LARGE2: variants seen among roughly 807,000 people sequenced by gnomAD.
LARGE2 encodes the protein xylosyl- and glucuronyltransferase LARGE2.
In LARGE2, 63 loss-of-function variants were observed where a neutral mutation model predicts 75.3. That is an observed-to-expected ratio of 0.84 (90% CI 0.68 to 1.03). The LOEUF is 1.03. LARGE2 is among the 50% of genes least tolerant of loss of function. The pLI is 0.00. For missense variants in LARGE2, 925 were observed against 980.6 expected (o/e 0.94, Z 0.76); for synonymous variants, 428 against 420.1 (o/e 1.02, Z -0.23).
chr11:45,928,333 C>A lies in LARGE2; in HGVS notation c.1911C>A (p.Gly637=). 1 of 1,614,178 alleles carries A rather than the reference C, an allele frequency of 6.2e-7. No individual in the cohort carries two copies. The part of the protein sequence containing the change: ...PRYDPRFVGF[G]WNKVAHIVEL... ...ATGATCCTCGCTTTGTGGGCTTCGG[C>A]TGGAACAAAGTGGCCCACATTGTGG... The change falls in exon 13 of 14, where the codon GGC becomes GGA. Residue 637 remains glycine, a synonymous_variant. Transcript: ENST00000401752.
rs1333046600 is a variant in LARGE2 at position 45,927,478 on chromosome 11, C to T, written c.1489C>T (p.Pro497Ser). 15 of 1,614,220 alleles carry T rather than the reference C, an allele frequency of 9.3e-6. No homozygotes were observed. Among genetic ancestry groups the T allele is most frequent in the Non-Finnish European group, 1.3e-5 (15 of 1,180,038 alleles). Residue 497 changes from proline to serine, a missense_variant, in exon 11 of 14, where the codon CCC (proline) becomes TCC (serine). By Grantham distance (74) the Pro-to-Ser change is moderately conservative. Around this residue, in one of 3 missense-constraint regions of LARGE2, gnomAD observed 469 missense variants for 503.8 expected, o/e 0.93. Coordinates refer to ENST00000401752, the MANE Select transcript of LARGE2 (RefSeq NM_001300721.2). Reference sequence around the variant, plus strand: ...CTACCATGTGGTGTACCGTGAGGGGCCCCTATACCCCGTCAACCAGCTTCG... The same window carrying T: ...CTACCATGTGGTGTACCGTGAGGGGTCCCTATACCCCGTCAACCAGCTTCG... ...VAYHVVYREG[P>S]LYPVNQLRNV...
chr11:45,928,445 A>G (rs1004079666), intron 13 of LARGE2, 73 bp downstream of exon 13: 21 of 1,556,376 alleles, frequency 1.3e-5, no homozygotes, highest in African/African-American at 9.5e-5. Flanking sequence ...CGACACCTGC[A>G]TGGGGGACCA....
rs756544015 is a variant in LARGE2 at position 45,926,581 on chromosome 11, C to A, written c.1148C>A (p.Pro383Gln). Reference protein sequence around the residue: ...RELFVCPSQPPPGAEQLQQAL... With the variant: ...RELFVCPSQPQPGAEQLQQAL... ...CTCTTTGTGTGCCCCAGCCAGCCCC[C>A]ACCTGGTGCTGAGCAGGTGAGAAGG... Residue 383 changes from proline (P) to glutamine (Q), a missense_variant, in exon 9 of 14, where the codon CCA becomes CAA. Around this residue, in one of 3 missense-constraint regions of LARGE2, gnomAD observed 469 missense variants for 503.8 expected, o/e 0.93. Transcript: ENST00000401752. 8 of 1,614,136 alleles carry A rather than the reference C, an allele frequency of 5.0e-6. No homozygotes were observed. The highest frequency in any genetic ancestry group is 4.4e-5 in the South Asian group (4 of 91,090).
In LARGE2 at chr11:45,928,993, T is replaced by C. The variant is rs2134786891; in HGVS notation, c.*148T>C. The C allele has an allele frequency of 1.9e-6, 2 of 1,076,136 alleles. No homozygotes were observed. The highest frequency in any genetic ancestry group is 2.6e-6 in the Non-Finnish European group (2 of 755,030). The allele number at this position is 1,076,136 out of a possible 1,614,324, so 66.7% of individuals were successfully genotyped here. ...GGGTGGGGTCTTCCCCTTGCTGCTA[T>C]TGTATGGCTGGGGACTGGTCTCTCT... is the stretch of plus-strand genomic sequence containing the variant. On this transcript the variant is annotated 3_prime_UTR_variant, in exon 14 of 14. Transcript: ENST00000401752.
intron 4 of LARGE2, 88 bp from the exon 5 acceptor site, chr11:45,924,418 C>G: frequency 6.4e-7 from 1 of 1,562,370 alleles, no homozygotes; most frequent in Non-Finnish European, 8.7e-7. Context: ...GGGGGTTTAC[C>G]CCCTCTCCTC....
Position 45,924,532 on chromosome 11 carries a change from G to A in LARGE2, c.519G>A (p.Lys173=), listed in dbSNP as rs767764254. 127 of 1,613,312 alleles carry A rather than the reference G, an allele frequency of 7.9e-5. 1 individual carries two copies. The East Asian group carries it at 2.8e-3, about 36-fold the overall frequency. ...LKPQVSWIPN[K]HYSGLYGLMK... ...CCCAGGTCTCCTGGATCCCCAACAA[G>A]CACTACTCCGGCCTCTATGGGCTAA... The change falls in exon 5 of 14, where the codon AAG becomes AAA. Residue 173 remains lysine, a synonymous_variant. Coordinates refer to ENST00000401752, the MANE Select transcript of LARGE2 (RefSeq NM_001300721.2).
intron 9 of LARGE2, 41 bp downstream of exon 9, chr11:45,926,638 T>C (rs773366328): frequency 6.2e-7 from 1 of 1,613,358 alleles, no homozygotes; most frequent in Non-Finnish European, 8.5e-7. Context: ...TCTGCTTTGG[T>C]GGGACCCAGC....
At chr11:45,927,266 G>A (rs1477911122) in intron 10 of LARGE2, 49 bp from the exon 11 acceptor site, 1 of 1,566,142 alleles carries the variant, frequency 6.4e-7, no homozygotes, top group Admixed American at 1.8e-5. Flanking sequence ...GCCTCCCTGA[G>A]CTCCTGTGCA....
At position 45,926,779 on chromosome 11, in the gene LARGE2, T is replaced by C. The variant is rs2087170276; in HGVS notation, c.1233T>C (p.Thr411=). 6.2e-7 allele frequency: 1 copy of C among 1,613,494 alleles called. No homozygotes were observed. Among genetic ancestry groups the C allele is most frequent in the Non-Finnish European group, 8.5e-7 (1 of 1,179,998 alleles). The change falls in exon 10 of 14, where the codon ACT becomes ACC. Residue 411 remains threonine (T), a synonymous_variant. Transcript: ENST00000401752. ...TTGAGTTCCGGCAGCAGCAGCTCAC[T>C]GTGCACCGTGTGCATGTCACTTTCC... ...PCFEFRQQQL[T]VHRVHVTFLP... is the part of the protein sequence containing the mutation.
At position 45,922,801 on chromosome 11, in the gene LARGE2, T is replaced by C; in HGVS notation, c.-62-20T>C. On this transcript the variant is annotated intron_variant, in intron 1 of 13. Coordinates refer to ENST00000401752, the MANE Select transcript of LARGE2 (RefSeq NM_001300721.2). ...CCGCCGCCCAGGGCTGAGTCTCCCA[T>C]CTCGCCCCTCGGTCCGCAGGGCCTG... is the stretch of plus-strand genomic sequence containing the variant. 2 of 1,115,660 alleles carry C rather than the reference T, an allele frequency of 1.8e-6. No individual in the cohort carries two copies. The highest frequency in any genetic ancestry group is 2.3e-6 in the Non-Finnish European group (2 of 884,756). The allele number at this position is 1,115,660 out of a possible 1,614,324, so 69.1% of individuals were successfully genotyped here. A position where few individuals can be genotyped will look rare whatever the true frequency, so the allele number is the denominator to read the frequency against.
chr11:45,927,087 G>T (rs562429106), intron 10 of LARGE2, among the ~76,000 whole-genome samples: 72 of 152,344 alleles, frequency 4.7e-4, no homozygotes, highest in African/African-American at 1.7e-3. Flanking sequence ...GGGACCATGA[G>T]CAAGTCTTCA....
At position 45,923,069 on chromosome 11, in the gene LARGE2, C is replaced by A; in HGVS notation, c.187C>A (p.Arg63=). 7.1e-7 allele frequency: 1 copy of A among 1,414,468 alleles called. No homozygotes were observed. The highest frequency in any genetic ancestry group is 3.1e-5 in the East Asian group (1 of 32,640). The allele number at this position is 1,414,468 out of a possible 1,614,324, so 87.6% of individuals were successfully genotyped here. A position where few individuals can be genotyped will look rare whatever the true frequency, so the allele number is the denominator to read the frequency against. ...ACGTGTCCCCCCAGACGGGAGGCTG[C>A]GGAGAGCCGCCGCCCTCGACGGAGA... The part of the protein sequence containing the change: ...MPRVPPDGRL[R]RAAALDGDPG... Residue 63 remains arginine (R), a synonymous_variant, in exon 2 of 14, where the codon CGG becomes AGG. Coordinates refer to ENST00000401752, the MANE Select transcript of LARGE2 (RefSeq NM_001300721.2).
Position 45,928,860 on chromosome 11 carries a change from T to C in LARGE2, c.*15T>C. On this transcript the variant is annotated 3_prime_UTR_variant, in exon 14 of 14. Transcript: ENST00000401752. ...CCCGAGGCTGAGGCTGGGCCGGCGC[T>C]GCCCCTCATCTTAGCATTGGGCAGA... is the stretch of plus-strand genomic sequence containing the variant. 1 of 1,612,526 alleles carries C rather than the reference T, an allele frequency of 6.2e-7. No homozygotes were observed. The highest frequency in any genetic ancestry group is 8.5e-7 in the Non-Finnish European group (1 of 1,179,698).
intron 6 of LARGE2, 61 bp from the exon 7 acceptor site, chr11:45,925,978 C>T (rs754383688): frequency 1.6e-5 from 23 of 1,420,360 alleles, no homozygotes; most frequent in Admixed American, 4.1e-5. Flanking sequence ...CCTTCATGAC[C>T]CCCATGTCCC....
At chr11:45,922,249 C>G (rs1246011036), upstream of LARGE2, among the ~76,000 whole-genome samples, 1 of 152,148 alleles carries the variant, frequency 6.6e-6, no homozygotes, top group Non-Finnish European at 1.5e-5. Context: ...CCGCCCCTGT[C>G]CCCAGAGCAG....
chr11:45,925,897 C>A, intron 6 of LARGE2, 142 bp from the exon 7 acceptor site: 1 of 733,010 alleles, frequency 1.4e-6, no homozygotes, highest in Non-Finnish European at 2.2e-6. Context: ...CAAACAACAA[C>A]AACAAAAAAC....
At position 45,927,507 on chromosome 11, in the gene LARGE2, C is replaced by T. The variant is rs61738733; in HGVS notation, c.1518C>T (p.Asn506=). The T allele has an allele frequency of 4.5e-4, 729 of 1,614,210 alleles. 5 individuals carry two copies. The East Asian group carries it at 5.3e-3, about 12-fold the overall frequency. The change falls in exon 11 of 14, where the codon AAC becomes AAT. Residue 506 remains asparagine (N), a synonymous_variant. Transcript: ENST00000401752. The part of the protein sequence containing the change: ...GPLYPVNQLR[N]VALAQALTPY... ...TATACCCCGTCAACCAGCTTCGCAA[C>T]GTGGCCTTGGCCCAGGCCCTCACGC...
chr11:45,928,152 G>A, intron 12 of LARGE2, 25 bp from the exon 13 acceptor site: 1 of 1,613,036 alleles, frequency 6.2e-7, no homozygotes, highest in Non-Finnish European at 8.5e-7. Context: ...CCTCAGCCTG[G>A]CTCCCACCCG....
At chr11:45,924,370 C>A (rs1590807622) in intron 4 of LARGE2, 93 bp downstream of exon 4, 2 of 1,572,270 alleles carry the variant, frequency 1.3e-6, no homozygotes, top group Non-Finnish European at 8.6e-7. Flanking sequence ...AATCATCAGT[C>A]CCCCCTCCAC....
Sources: allele counts gnomAD v4.1 joint callset (sites outside exome capture counted in the v4.1 genomes callset), GRCh38; gene constraint gnomAD v4.1.1; regional missense constraint gnomAD v4.1.1; transcripts MANE v1.5; gene names NCBI Gene and HGNC (gene_info 2026-07-23, HGNC 2026-07-21).